FANCD2: variants seen among roughly 807,000 people sequenced by gnomAD.
FANCD2 encodes the protein FA complementation group D2, also known as Fanconi anemia group D2 protein.
In FANCD2, 131 loss-of-function variants were observed where a neutral mutation model predicts 192.3. That is an observed-to-expected ratio of 0.68 (90% confidence interval 0.59 to 0.79). The LOEUF (loss-of-function observed/expected upper bound fraction) is 0.79. Ranked by LOEUF, FANCD2 falls within the 30% of genes least tolerant of loss-of-function variation. FANCD2 has a pLI of 0.00. For synonymous variants in FANCD2, 524 were observed against 612.5 expected, an observed-to-expected ratio of 0.86 and a Z score of 2.13; for missense variants, 1,508 against 1,701.6, an observed-to-expected ratio of 0.89 and a Z score of 2.00.
chr3:10,065,389 C>T lies in FANCD2; in HGVS notation c.2169-5C>T, dbSNP rs1206585324. 6.2e-7 allele frequency: 1 copy of T among 1,602,668 alleles called. No homozygotes were observed. The highest frequency in any genetic ancestry group is 8.6e-7 in the Non-Finnish European group (1 of 1,169,560). On this transcript the variant is annotated splice_polypyrimidine_tract_variant and splice_region_variant and intron_variant, in intron 23 of 43. Transcript: ENST00000675286. ...GTGGTCTAGAAATTTATTTCTCCTT[C>T]TCAGATTGGTGTCTCCGCTGTGCCT...
chr3:10,085,382 TC>T (rs1207040910), intron 32 of FANCD2, among the ~76,000 whole-genome samples: 4 of 151,830 alleles, frequency 2.6e-5, no homozygotes, highest in African/African-American at 9.7e-5. Flanking sequence ...AATTCTTTTT[TC>T]TTTTTTCTTT....
intron 10 of FANCD2, 136 bp from the exon 11 acceptor site, chr3:10,042,423 T>G: frequency 1.4e-6 from 1 of 739,670 alleles, no homozygotes; most frequent in South Asian, 1.5e-5. Flanking sequence ...AAATCTAAAA[T>G]TTTGTTTTTC....
intron 26 of FANCD2, among the ~76,000 whole-genome samples, chr3:10,069,144 A>G (rs1174177316): frequency 3.3e-5 from 5 of 152,230 alleles, no homozygotes; most frequent in Admixed American, 2.6e-4. Flanking sequence ...AAAATGGACA[A>G]ATGGGATCAC....
intron 26 of FANCD2, among the ~76,000 whole-genome samples, chr3:10,070,318 C>T (rs1693137285): frequency 6.7e-6 from 1 of 150,044 alleles, no homozygotes; most frequent in Non-Finnish European, 1.5e-5. Context: ...GCCACCCCGT[C>T]CGGGAGGGAG....
chr3:10,053,089 T>TGCG (rs2087265795), intron 18 of FANCD2, among the ~76,000 whole-genome samples: 2 of 147,526 alleles, frequency 1.4e-5, no homozygotes, highest in Non-Finnish European at 3.0e-5. Context: ...ATATGTTTAT[T>TGCG]GCGGCACTAT....
In FANCD2 at chr3:10,064,717, T is replaced by A. The variant is rs1166323769; in HGVS notation, c.2022-12T>A. ...CTGAGCTGCAACATCAGATTCTGGTTTTTCTCCGCAGTGACTTTCCATTTC... is the reference window on the plus strand; with the variant it reads ...CTGAGCTGCAACATCAGATTCTGGTATTTCTCCGCAGTGACTTTCCATTTC... On this transcript the variant is annotated splice_polypyrimidine_tract_variant and intron_variant, in intron 22 of 43. Coordinates refer to ENST00000675286, the MANE Select transcript of FANCD2 (RefSeq NM_001018115.3). The A allele has an allele frequency of 1.2e-6, 2 of 1,613,918 alleles. No homozygotes were observed. Among genetic ancestry groups the A allele is most frequent in the African/African-American group, 2.7e-5 (2 of 74,912 alleles).
At chr3:10,035,627 G>A (rs1257726321) in intron 6 of FANCD2, among the ~76,000 whole-genome samples, 1 of 151,962 alleles carries the variant, frequency 6.6e-6, no homozygotes, top group Non-Finnish European at 1.5e-5. Context: ...ACAATACATT[G>A]ATATGATTTA....
At chr3:10,045,278 C>T (rs542328237) in intron 14 of FANCD2, among the ~76,000 whole-genome samples, 2 of 152,146 alleles carry the variant, frequency 1.3e-5, no homozygotes, top group East Asian at 3.9e-4. Flanking sequence ...ACGCCATTCT[C>T]CCGCTTCAGC....
In FANCD2 at chr3:10,026,486, A is replaced by G. The variant is rs1575719636; in HGVS notation, c.-34+13A>G. 1 of 504,700 alleles carries G rather than the reference A, an allele frequency of 2.0e-6. No homozygotes were observed. Among genetic ancestry groups the G allele is most frequent in the Non-Finnish European group, 2.6e-6 (1 of 388,188 alleles). 31.3% of individuals were successfully genotyped at this position (504,700 alleles called of 1,614,324 possible). A position where few individuals can be genotyped will look rare whatever the true frequency, so the allele number is the denominator to read the frequency against. On this transcript the variant is annotated intron_variant, in intron 1 of 43. Transcript: ENST00000675286. Reference sequence around the variant, plus strand: ...CGACGGCTTCTCGGTGAGTAAGTGGAGCAATGGTCGTAGTCTCTCGAGGCC... The same window carrying G: ...CGACGGCTTCTCGGTGAGTAAGTGGGGCAATGGTCGTAGTCTCTCGAGGCC...
intron 16 of FANCD2, among the ~76,000 whole-genome samples, chr3:10,048,350 C>T (rs537891225): frequency 6.6e-6 from 1 of 152,246 alleles, no homozygotes; most frequent in African/African-American, 2.4e-5. Context: ...CATGCCCAGG[C>T]TGGAGTGCAG....
At chr3:10,047,888 T>C in intron 15 of FANCD2, 29 bp from the exon 16 acceptor site, 1 of 1,611,802 alleles carries the variant, frequency 6.2e-7, no homozygotes, top group Non-Finnish European at 8.5e-7. Flanking sequence ...CTACAGCTTC[T>C]TTTCTCTCTC....
In FANCD2 at chr3:10,058,816, G is replaced by C. The variant is rs1427874126; in HGVS notation, c.1657-1478G>C. Among the ~76,000 whole-genome samples the C allele has an allele frequency of 2.0e-5, 3 of 152,164 alleles. No individual in the cohort carries two copies. In the East Asian group the frequency reaches 5.8e-4, roughly 29 times the overall value. ...TTTGTTCTTTTTCAAGGTTTTGGCA[G>C]TTTGGGGTCCCTTGAAATTCCATGT... On this transcript the variant is annotated intron_variant, in intron 18 of 43. Coordinates refer to ENST00000675286, the MANE Select transcript of FANCD2 (RefSeq NM_001018115.3).
intron 14 of FANCD2, 182 bp from the exon 15 acceptor site, chr3:10,046,398 T>G: frequency 9.8e-7 from 1 of 1,020,010 alleles, no homozygotes; most frequent in Non-Finnish European, 1.4e-6. Context: ...GTTGTGGCAC[T>G]TTATTTATCT....
In FANCD2 at chr3:10,081,352, G is replaced by A. The variant is rs2125059935; in HGVS notation, c.3112G>A (p.Ala1038Thr). ...AAATCATTTTTATTTTTAGTGTTTAGCTGCTGAGAATCACGGTGTAGTTGA... is the reference window on the plus strand; with the variant it reads ...AAATCATTTTTATTTTTAGTGTTTAACTGCTGAGAATCACGGTGTAGTTGA... Reference protein sequence around the residue: ...ENIHNYFQCLAAENHGVVDGP... With the variant: ...ENIHNYFQCLTAENHGVVDGP... Residue 1038 changes from alanine to threonine, a missense_variant, in exon 32 of 44, where the codon GCT becomes ACT. Ala to Thr is a moderately conservative substitution (Grantham distance 58). This residue lies in a region of FANCD2 where 796 missense variants were observed against 879.4 expected (regional missense o/e 0.91). Coordinates refer to ENST00000675286, the MANE Select transcript of FANCD2 (RefSeq NM_001018115.3). 6.2e-7 allele frequency: 1 copy of A among 1,613,748 alleles called. No homozygotes were observed. The highest frequency in any genetic ancestry group is 8.5e-7 in the Non-Finnish European group (1 of 1,179,644).
chr3:10,057,733 A>G (rs537599713), intron 18 of FANCD2, among the ~76,000 whole-genome samples: 1 of 152,278 alleles, frequency 6.6e-6, no homozygotes, highest in South Asian at 2.1e-4. Flanking sequence ...GTCTAATCAT[A>G]TCTTTAGAAG....
rs34112779 is a variant in FANCD2, at chr3:10,035,920, C to G, written c.439-367C>G. ...TAATTATCTGATTATTTTAACGTTG[C>G]CTTGATAATCATTTTCAGTTTTTCA... On this transcript the variant is annotated intron_variant, in intron 6 of 43. Transcript: ENST00000675286. Among the ~76,000 whole-genome samples the G allele has an allele frequency of 3.1e-3, 473 of 152,022 alleles. 10 individuals are homozygous for G. The South Asian group carries it at 0.035, about 11-fold the overall frequency.
intron 28 of FANCD2, among the ~76,000 whole-genome samples, 190 bp from the exon 29 acceptor site, chr3:10,074,340 T>A (rs746538741): frequency 3.9e-5 from 6 of 152,246 alleles, no homozygotes; most frequent in African/African-American, 4.8e-5. Context: ...GTGTGACTTG[T>A]ATCCCCATCT....
At position 10,099,349 on chromosome 3, in the gene FANCD2, G is replaced by A. The variant is rs886057696; in HGVS notation, c.4281+534G>A. On this transcript the variant is annotated intron_variant, in intron 43 of 43. Transcript: ENST00000675286. ...AAATAAAAATGTAGACATGGCTGGC[G>A]CAGTGGCTCATGCTTGTAATCCTAG... is the stretch of plus-strand genomic sequence containing the variant. The A allele has an allele frequency of 1.8e-5, 22 of 1,189,456 alleles. No homozygotes were observed. The highest frequency in any genetic ancestry group is 3.6e-4 in the Middle Eastern group (1 of 2,798). The allele number at this position is 1,189,456 out of a possible 1,614,324, so 73.7% of individuals were successfully genotyped here. A position where few individuals can be genotyped will look rare whatever the true frequency, so the allele number is the denominator to read the frequency against.
intron 1 of FANCD2, among the ~76,000 whole-genome samples, chr3:10,027,698 G>A (rs1264946970): frequency 1.3e-5 from 2 of 151,958 alleles, no homozygotes; most frequent in African/African-American, 4.8e-5. Context: ...GAGGTTATGA[G>A]ATCAAGACTA....
Sources: gnomAD v4.1 joint callset for allele counts (sites outside exome capture counted in the v4.1 genomes callset) on GRCh38, gnomAD v4.1.1 for gene constraint, gnomAD v4.1.1 regional missense constraint, MANE v1.5 for transcripts, NCBI Gene and HGNC (gene_info 2026-07-23, HGNC 2026-07-21) for gene names.